PCDHGA9: variants seen among roughly 807,000 people sequenced by gnomAD.
PCDHGA9 encodes protocadherin gamma-A9.
Under a neutral mutation model 62.5 loss-of-function variants are expected in PCDHGA9, and 37 were observed. The observed-to-expected ratio is 0.59, with a 90% CI of 0.46 to 0.78. The LOEUF (loss-of-function observed/expected upper bound fraction) is 0.78. Ranked by LOEUF, PCDHGA9 falls within the 30% of genes least tolerant of loss-of-function variation. The probability of loss-of-function intolerance (pLI) is 0.00; values close to 1 mark genes in which losing one functional copy is unlikely to be tolerated. For synonymous variants in PCDHGA9, 459 were observed against 484.6 expected, an observed-to-expected ratio of 0.95 and a Z score of 0.69; for missense variants, 1,138 against 1,166.2, an observed-to-expected ratio of 0.98 and a Z score of 0.35.
chr5:141,474,412 C>T (rs1282336092), intron 1 of PCDHGA9, among the ~76,000 whole-genome samples: 2 of 152,220 alleles, frequency 1.3e-5, no homozygotes, highest in African/African-American at 2.4e-5. Context: ...CCGGTGATGC[C>T]TAGACCATTG....
chr5:141,450,181 C>A (rs2098672863), intron 1 of PCDHGA9, among the ~76,000 whole-genome samples: 1 of 151,572 alleles, frequency 6.6e-6, no homozygotes, highest in African/African-American at 2.4e-5. Flanking sequence ...CCACACCCAG[C>A]TAATTTTTGT....
chr5:141,419,981 A>G (rs2096455772), intron 1 of PCDHGA9: 2 of 1,613,934 alleles, frequency 1.2e-6, no homozygotes, highest in East Asian at 2.2e-5. Flanking sequence ...CCTCGCGGTG[A>G]TTCTAGCTAT....
intron 1 of PCDHGA9, among the ~76,000 whole-genome samples, chr5:141,433,449 T>C (rs2097611087): frequency 6.6e-6 from 1 of 152,068 alleles, no homozygotes; most frequent in Non-Finnish European, 1.5e-5. Context: ...TTGAGCAGGC[T>C]GATCTGAAAC....
rs61612330 is a variant in PCDHGA9, at chr5:141,454,796, A to ATTTTTTTTTTTTTTTTT, written c.2425-39998_2425-39982dup. Among the ~76,000 whole-genome samples the ATTTTTTTTTTTTTTTTT allele has an allele frequency of 1.9e-3, 147 of 77,454 alleles. 11 individuals carry two copies. Among genetic ancestry groups the ATTTTTTTTTTTTTTTTT allele is most frequent in the Middle Eastern group, 0.017 (2 of 120 alleles). 50.8% of individuals were successfully genotyped at this position (77,454 alleles called of 152,430 possible). ...AAGGAAATAATCCTCCATGGTTCTA[A>ATTTTTTTTTTTTTTTTT]TTTTTTTTTTTTTTTTTTTTTTTTT... On this transcript the variant is annotated intron_variant, in intron 1 of 3. Coordinates refer to ENST00000573521, the MANE Select transcript of PCDHGA9 (RefSeq NM_018921.3).
chr5:141,505,341 A>T, intron 2 of PCDHGA9, 52 bp from the exon 3 acceptor site: 1 of 1,612,728 alleles, frequency 6.2e-7, no homozygotes, highest in Non-Finnish European at 8.5e-7. Flanking sequence ...CAGGAGGGGC[A>T]TGAGCTGTGC....
intron 1 of PCDHGA9, chr5:141,409,662 TCTC>T (rs1473145245): frequency 2.5e-6 from 4 of 1,613,562 alleles, no homozygotes; most frequent in Admixed American, 1.7e-5. Context: ...AATGGCCACA[TCTC>T]CTACTCTATA....
Position 141,476,129 on chromosome 5 carries a change from G to T in PCDHGA9, c.2425-18678G>T, listed in dbSNP as rs2099385585. 6.2e-7 allele frequency: 1 copy of T among 1,606,848 alleles called. No homozygotes were observed. The highest frequency in any genetic ancestry group is 1.3e-5 in the African/African-American group (1 of 75,000). On this transcript the variant is annotated intron_variant, in intron 1 of 3. Transcript: ENST00000573521. The surrounding 1 kb of genome is among the most constrained non-coding windows in gnomAD (Gnocchi z 7.6). ...GCTTTTGAGTGAGATGGTCCCAGAG[G>T]CCTGGAGGAGCGGACTGGTAAGCAC...
intron 1 of PCDHGA9, among the ~76,000 whole-genome samples, chr5:141,446,664 G>A (rs116573282): frequency 0.012 from 1,821 of 152,192 alleles, 38 homozygotes; most frequent in African/African-American, 0.042. Context: ...TTTAGTACAA[G>A]ACAGCATTTC....
intron 1 of PCDHGA9, chr5:141,428,082 G>T (rs776612130): frequency 1.2e-6 from 2 of 1,609,030 alleles, no homozygotes; most frequent in South Asian, 2.2e-5. Flanking sequence ...GGGACACAAC[G>T]CTTGGCTGTC....
chr5:141,444,472 C>A (rs559334960), intron 1 of PCDHGA9, among the ~76,000 whole-genome samples: 2 of 151,850 alleles, frequency 1.3e-5, no homozygotes, highest in Non-Finnish European at 2.9e-5. Context: ...CGCCCGGTCG[C>A]GTACTGGATT....
intron 1 of PCDHGA9, among the ~76,000 whole-genome samples, chr5:141,451,788 A>C (rs531473040): frequency 6.6e-6 from 1 of 152,140 alleles, no homozygotes; most frequent in African/African-American, 2.4e-5. Flanking sequence ...GGCTGAGGCC[A>C]GAGAATTGCT....
chr5:141,470,872 T>G, intron 1 of PCDHGA9, among the ~76,000 whole-genome samples: 1 of 151,814 alleles, frequency 6.6e-6, no homozygotes, highest in East Asian at 1.9e-4. Context: ...GTTTGTTTGT[T>G]TTTTTGTTTT....
At chr5:141,502,525 G>A (rs1258704254) in intron 2 of PCDHGA9, among the ~76,000 whole-genome samples, 1 of 152,074 alleles carries the variant, frequency 6.6e-6, no homozygotes, top group Non-Finnish European at 1.5e-5. Flanking sequence ...CAGTGATGCC[G>A]AGTTTGTTCG....
At position 141,491,290 on chromosome 5, in the gene PCDHGA9, C is replaced by T. The variant is rs747758229; in HGVS notation, c.2425-3517C>T. Reference sequence around the variant, plus strand: ...CAAATCCAGTGACTTCCTCATACACCCTCCTGAGCGTTCAGACCTTACCCT... The same window carrying T: ...CAAATCCAGTGACTTCCTCATACACTCTCCTGAGCGTTCAGACCTTACCCT... On this transcript the variant is annotated intron_variant, in intron 1 of 3. Coordinates refer to ENST00000573521, the MANE Select transcript of PCDHGA9 (RefSeq NM_018921.3). The surrounding 1 kb of genome is among the most constrained non-coding windows in gnomAD (Gnocchi z 6.9). 6.2e-7 allele frequency: 1 copy of T among 1,613,974 alleles called. No homozygotes were observed. Among genetic ancestry groups the T allele is most frequent in the Non-Finnish European group, 8.5e-7 (1 of 1,179,952 alleles).
At position 141,476,247 on chromosome 5, in the gene PCDHGA9, G is replaced by C. The variant is rs1439421662; in HGVS notation, c.2425-18560G>C. 1 of 1,614,042 alleles carries C rather than the reference G, an allele frequency of 6.2e-7. No individual in the cohort carries two copies. Among genetic ancestry groups the C allele is most frequent in the Non-Finnish European group, 8.5e-7 (1 of 1,180,010 alleles). ...GAGATCCCGGAGGAAAGAGAGAAGG[G>C]TTTCGCTGTGGGCAACGTGGTCGCG... On this transcript the variant is annotated intron_variant, in intron 1 of 3. Coordinates refer to ENST00000573521, the MANE Select transcript of PCDHGA9 (RefSeq NM_018921.3). The surrounding 1 kb of genome is among the most constrained non-coding windows in gnomAD (Gnocchi z 7.6).
chr5:141,421,174 C>T (rs2096550677), intron 1 of PCDHGA9: 2 of 1,378,742 alleles, frequency 1.5e-6, no homozygotes, highest in Non-Finnish European at 1.9e-6. Flanking sequence ...ATACATAAGC[C>T]GATTCACAAC....
chr5:141,505,190 G>A (rs1326515866), intron 2 of PCDHGA9, among the ~76,000 whole-genome samples: 1 of 152,186 alleles, frequency 6.6e-6, no homozygotes, highest in East Asian at 1.9e-4. Flanking sequence ...ATCGGAGGCA[G>A]CAAAGAGCTG....
rs752316565 is a variant in PCDHGA9 at position 141,487,235 on chromosome 5, C to T, written c.2425-7572C>T. On this transcript the variant is annotated intron_variant, in intron 1 of 3. Coordinates refer to ENST00000573521, the MANE Select transcript of PCDHGA9 (RefSeq NM_018921.3). This position sits in a 1 kb window ranked among gnomAD's most constrained non-coding sequence, Gnocchi z 5.0. The stretch of plus-strand genomic sequence containing the variant: ...TTCAGCTCCAAGGGAAGGAGAATCT[C>T]GTCTAACCCTCTACTTGGCTGTGTC... The T allele has an allele frequency of 2.5e-6, 4 of 1,614,126 alleles. No individual in the cohort carries two copies. Among genetic ancestry groups the T allele is most frequent in the Non-Finnish European group, 3.4e-6 (4 of 1,179,994 alleles).
At chr5:141,442,664 G>A (rs1289986124) in intron 1 of PCDHGA9, among the ~76,000 whole-genome samples, 2 of 152,342 alleles carry the variant, frequency 1.3e-5, no homozygotes, top group East Asian at 1.9e-4. Flanking sequence ...TATTTGGCAT[G>A]GTGAGCTTGA....
Sources: allele counts gnomAD v4.1 joint callset (sites outside exome capture counted in the v4.1 genomes callset), GRCh38; gene constraint gnomAD v4.1.1; non-coding constraint Gnocchi (gnomAD v3.1); transcripts MANE v1.5; gene names NCBI Gene and HGNC (gene_info 2026-07-23, HGNC 2026-07-21).